Variants in PHC3 observed in about 807,000 individuals in gnomAD.
PHC3 encodes the protein polyhomeotic homolog 3.
A neutral mutation model predicts 107.4 loss-of-function variants in PHC3; 13 were observed. That is an observed-to-expected ratio of 0.12 (90% CI 0.08 to 0.19). PHC3 has a LOEUF of 0.19. Among genes scored for constraint, PHC3 ranks in the 10% least tolerant of loss-of-function variants. The probability of loss-of-function intolerance (pLI) is 1.00; values close to 1 mark genes in which losing one functional copy is unlikely to be tolerated. For synonymous variants in PHC3, 456 were observed against 427.4 expected (o/e 1.07, Z -0.83); for missense variants, 992 against 1,210.9 (o/e 0.82, Z 2.68).
chr3:170,129,848 C>G (rs979071368), intron 7 of PHC3, among the ~76,000 whole-genome samples: 3 of 152,030 alleles, frequency 2.0e-5, no homozygotes, highest in Admixed American at 2.0e-4. Flanking sequence ...TACAGGTGCC[C>G]GCTACCACAC....
intron 6 of PHC3, among the ~76,000 whole-genome samples, chr3:170,137,987 A>C (rs937709840): frequency 1.3e-5 from 2 of 152,096 alleles, no homozygotes; most frequent in Admixed American, 6.5e-5. Flanking sequence ...GGATCACTTC[A>C]GGCCAGGAGT....
rs1279486174 is a variant in PHC3 at position 170,097,402 on chromosome 3, G to A, written c.2834-18C>T. The A allele has an allele frequency of 6.2e-7, 1 of 1,607,752 alleles. No individual in the cohort carries two copies. Among genetic ancestry groups the A allele is most frequent in the Non-Finnish European group, 8.5e-7 (1 of 1,175,902 alleles). ...CTGGCAGCCTGGAATTTGACCAGAG[G>A]ACAGAAGTTAGAATTAAATATACAA... On this transcript the variant is annotated intron_variant, in intron 14 of 14. Transcript: ENST00000495893. This position sits in a 1 kb window ranked among gnomAD's most constrained non-coding sequence, Gnocchi z 4.1.
intron 11 of PHC3, among the ~76,000 whole-genome samples, chr3:170,108,632 A>G (rs1319180497): frequency 1.3e-5 from 2 of 152,148 alleles, no homozygotes; most frequent in Non-Finnish European, 2.9e-5. Context: ...CCACCAACAC[A>G]TTCCTGAGAC....
chr3:170,171,445 A>G lies in PHC3; in HGVS notation c.342T>C (p.Ser114=), dbSNP rs1334843334. The G allele has an allele frequency of 6.3e-7, 1 of 1,592,454 alleles. No individual in the cohort carries two copies. The highest frequency in any genetic ancestry group is 2.3e-5 in the East Asian group (1 of 44,362). ...QLQSLAAVQA[S]LSSGRPSTSP... is the part of the protein sequence containing the mutation. ...ATGTAGATGGTCTTCCACTGGACAA[A>G]CTTGCCTAAAATAGTAAGACTTTTA... The change falls in exon 4 of 15, where the codon AGT becomes AGC. Residue 114 remains serine, a synonymous_variant. Transcript: ENST00000495893.
At chr3:170,146,695 G>A (rs1312195030) in intron 5 of PHC3, among the ~76,000 whole-genome samples, 2 of 150,018 alleles carry the variant, frequency 1.3e-5, no homozygotes, top group African/African-American at 2.4e-5. Context: ...ACAACGCCCG[G>A]CTAATTTTTG....
intron 7 of PHC3, among the ~76,000 whole-genome samples, chr3:170,130,137 A>G (rs1722018643): frequency 6.6e-6 from 1 of 152,246 alleles, no homozygotes; most frequent in South Asian, 2.1e-4. Flanking sequence ...TATATTTTAT[A>G]GGTCACCTGA....
chr3:170,150,201 T>G (rs569656462), intron 4 of PHC3, among the ~76,000 whole-genome samples: 2 of 152,236 alleles, frequency 1.3e-5, no homozygotes, highest in African/African-American at 4.8e-5. Flanking sequence ...TCTGAGGAGT[T>G]TGTGAACAAA....
intron 12 of PHC3, among the ~76,000 whole-genome samples, chr3:170,104,555 G>A (rs545302156): frequency 1.8e-4 from 27 of 152,190 alleles, no homozygotes; most frequent in Admixed American, 5.2e-4. Flanking sequence ...TTACAAGCAT[G>A]TGCCACCACA....
rs773031797 is a variant in PHC3, at chr3:170,178,868, T to A, written c.85A>T (p.Ser29Cys). Residue 29 changes from serine to cysteine, a missense_variant, in exon 2 of 15, where the codon AGC (serine) becomes TGC (cysteine). This residue lies in a region of PHC3 where 161 missense variants were observed against 183.7 expected (regional missense o/e 0.88). Coordinates refer to ENST00000495893, the MANE Select transcript of PHC3 (RefSeq NM_024947.4). ...PGTSSVSTTT[S>C]STTTTTITTS... ...GTGATGGTGGTGGTGGTGGTACTGC[T>A]GGTTGTTGTTGACACAGAAGATGTT... 6.2e-7 allele frequency: 1 copy of A among 1,613,992 alleles called. No homozygotes were observed. The highest frequency in any genetic ancestry group is 1.1e-5 in the South Asian group (1 of 91,082).
chr3:170,145,061 C>T (rs1476807430), intron 6 of PHC3, among the ~76,000 whole-genome samples: 1 of 152,060 alleles, frequency 6.6e-6, no homozygotes, highest in Non-Finnish European at 1.5e-5. Context: ...ACTTAAAATC[C>T]ATCTTGACTT....
intron 2 of PHC3, among the ~76,000 whole-genome samples, chr3:170,176,322 T>C (rs532992295): frequency 3.3e-5 from 5 of 152,242 alleles, no homozygotes; most frequent in African/African-American, 1.2e-4. Flanking sequence ...GCATTCAAGT[T>C]TGAATTTCTG....
rs1225506746 is a variant in PHC3 at position 170,097,964 on chromosome 3, A to C, written c.2834-580T>G. Among the ~76,000 whole-genome samples, 2 of 152,274 alleles carry C rather than the reference A, an allele frequency of 1.3e-5. No homozygotes were observed. Among genetic ancestry groups the C allele is most frequent in the East Asian group, 3.9e-4 (2 of 5,182 alleles). On this transcript the variant is annotated intron_variant, in intron 14 of 14. Transcript: ENST00000495893. This position sits in a 1 kb window ranked among gnomAD's most constrained non-coding sequence, Gnocchi z 4.1. ...TCAAATTTCTCAAGACTGTATTACCAATCTATTGCAATGCTGCTGAAATGT... is the reference window on the plus strand; with the variant it reads ...TCAAATTTCTCAAGACTGTATTACCCATCTATTGCAATGCTGCTGAAATGT...
In PHC3 at chr3:170,102,546, T is replaced by C. The variant is rs1417429974; in HGVS notation, c.2766A>G (p.Pro922=). 1.2e-6 allele frequency: 2 copies of C among 1,613,786 alleles called. No individual in the cohort carries two copies. The highest frequency in any genetic ancestry group is 1.7e-6 in the Non-Finnish European group (2 of 1,179,840). Residue 922 remains proline (P), a synonymous_variant, in exon 14 of 15, where the codon CCA becomes CCG. Coordinates refer to ENST00000495893, the MANE Select transcript of PHC3 (RefSeq NM_024947.4). ...ATATAGATGGCTCTGTTTGTGCAAC[T>C]GGTAGCAAGTCACTGTTCTCAGGCA... ...RKMPENSDLL[P]VAQTEPSIWT... is the part of the protein sequence containing the mutation.
intron 14 of PHC3, among the ~76,000 whole-genome samples, chr3:170,098,456 A>G (rs1714937137): frequency 6.6e-6 from 1 of 152,154 alleles, no homozygotes; most frequent in Non-Finnish European, 1.5e-5. Context: ...GGATGCCACA[A>G]TTTTGCTAGT....
intron 4 of PHC3, among the ~76,000 whole-genome samples, chr3:170,154,798 AG>A (rs1199346319): frequency 6.6e-6 from 1 of 152,236 alleles, no homozygotes; most frequent in Non-Finnish European, 1.5e-5. Context: ...CCAACAGATC[AG>A]TAGCCACCTC....
chr3:170,111,555 G>T (rs1323442611), intron 11 of PHC3, among the ~76,000 whole-genome samples: 1 of 152,132 alleles, frequency 6.6e-6, no homozygotes, highest in East Asian at 1.9e-4. Flanking sequence ...GAAATTGGGT[G>T]ATAATGTTGA....
intron 4 of PHC3, among the ~76,000 whole-genome samples, chr3:170,169,533 T>C (rs561694452): frequency 6.6e-6 from 1 of 152,368 alleles, no homozygotes; most frequent in Admixed American, 6.5e-5. Context: ...TATTCCTTTA[T>C]TTTACTGGGA....
intron 6 of PHC3, among the ~76,000 whole-genome samples, chr3:170,144,057 TG>T (rs771274002): frequency 1.3e-5 from 2 of 150,956 alleles, no homozygotes; most frequent in Non-Finnish European, 2.9e-5. Flanking sequence ...CCGGGCGTGG[TG>T]GCTCACGCCT....
intron 4 of PHC3, among the ~76,000 whole-genome samples, chr3:170,151,258 A>T (rs1421818240): frequency 1.3e-5 from 2 of 152,188 alleles, no homozygotes; most frequent in East Asian, 3.8e-4. Context: ...AGAATAATAT[A>T]ATCCAACCTC....
Sources: gnomAD v4.1 joint callset for allele counts (sites outside exome capture counted in the v4.1 genomes callset) on GRCh38, gnomAD v4.1.1 for gene constraint, gnomAD v4.1.1 regional missense constraint, Gnocchi (gnomAD v3.1) non-coding constraint, MANE v1.5 for transcripts, NCBI Gene and HGNC (gene_info 2026-07-23, HGNC 2026-07-21) for gene names.